Variants in NAT16 observed in about 807,000 individuals in gnomAD.
NAT16 encodes N-acetyltransferase 16 (putative), also known as probable N-acetyltransferase 16.
NAT16 carries 16 observed loss-of-function variants against 15.9 expected under a neutral mutation model. That is an observed-to-expected ratio of 1.01 (90% CI 0.68 to 1.53). NAT16 has a LOEUF of 1.53. Ranked by LOEUF, NAT16 falls within the 40% of genes most tolerant of loss-of-function variation. The pLI, the probability that NAT16 is intolerant of heterozygous loss-of-function variation, is 0.00. For missense variants in NAT16, 572 were observed against 508.4 expected (o/e 1.13, Z -1.20); for synonymous variants, 260 against 241.9 (o/e 1.07, Z -0.69).
rs1294944750 is a variant in NAT16 at position 101,180,125 on chromosome 7, CA to C, written c.-89del. The C allele has an allele frequency of 6.5e-6, 1 of 152,854 alleles. No individual in the cohort carries two copies. Among genetic ancestry groups the C allele is most frequent in the Non-Finnish European group, 1.5e-5 (1 of 68,558 alleles). The allele number at this position is 152,854 out of a possible 1,614,324, so 9.5% of individuals were successfully genotyped here. On this transcript the variant is annotated 5_prime_UTR_variant, in exon 1 of 4. Coordinates refer to ENST00000300303, the MANE Select transcript of NAT16 (RefSeq NM_198571.3). Reference sequence around the variant, plus strand: ...CGGCGGGCGCAGACACCCCCGGTGCCAAGAGAGAGGTCCCTTTGGAGCCCCC... The same window carrying C: ...CGGCGGGCGCAGACACCCCCGGTGCCAGAGAGAGGTCCCTTTGGAGCCCCC...
intron 2 of NAT16, chr7:101,174,054 G>T: frequency 3.8e-6 from 1 of 261,074 alleles, no homozygotes; most frequent in Non-Finnish European, 7.2e-6. Flanking sequence ...AGATGCTCCA[G>T]CTCCGAGTGT....
chr7:101,172,519 C>T lies in NAT16; in HGVS notation c.670G>A (p.Ala224Thr). 1 of 1,580,912 alleles carries T rather than the reference C, an allele frequency of 6.3e-7. No individual in the cohort carries two copies. Among genetic ancestry groups the T allele is most frequent in the Non-Finnish European group, 8.5e-7 (1 of 1,171,054 alleles). ...ACGGAGGGTGACAGCAGGAGGCGTG[C>T]CACGTCGCCGCCTGCCTCGGACACG... ...EAVSEAGGDVARLLLSPSVQR... is the reference protein window; with the variant it reads ...EAVSEAGGDVTRLLLSPSVQR... Residue 224 changes from alanine (A) to threonine (T), a missense_variant, in exon 4 of 4, where the codon GCA becomes ACA. Physicochemically the swap from Ala to Thr is moderately conservative, Grantham distance 58 (BLOSUM62 0). Coordinates refer to ENST00000300303, the MANE Select transcript of NAT16 (RefSeq NM_198571.3). The surrounding 1 kb of genome is among the most constrained non-coding windows in gnomAD (Gnocchi z 4.2).
Position 101,174,603 on chromosome 7 carries a change from T to C in NAT16, c.205A>G (p.Ile69Val). The change falls in exon 2 of 4, where the codon ATC (isoleucine) becomes GTC (valine). Residue 69 changes from isoleucine (I) to valine (V), a missense_variant. Coordinates refer to ENST00000300303, the MANE Select transcript of NAT16 (RefSeq NM_198571.3). ...AGGCCGCCGTAGATGCCCCCCGAGA[T>C]GGCCAGCACTTCCTCAAACTCCCGT... ...TEREFEEVLA[I>V]SGGIYGGLDY... is the part of the protein sequence containing the mutation. 1 of 1,614,024 alleles carries C rather than the reference T, an allele frequency of 6.2e-7. No homozygotes were observed. Among genetic ancestry groups the C allele is most frequent in the Admixed American group, 1.7e-5 (1 of 60,000 alleles).
At position 101,173,524 on chromosome 7, in the gene NAT16, C is replaced by A; in HGVS notation, c.313-4G>T. 2 of 1,578,392 alleles carry A rather than the reference C, an allele frequency of 1.3e-6. No homozygotes were observed. Among genetic ancestry groups the A allele is most frequent in the East Asian group, 2.3e-5 (1 of 43,850 alleles). The stretch of plus-strand genomic sequence containing the variant: ...CGTTCACCGACTCCAGCGCGATCTG[C>A]GGACCGAGGCCGTTAGCGCGGGGCC... On this transcript the variant is annotated splice_region_variant and splice_polypyrimidine_tract_variant and intron_variant, in intron 2 of 3. Coordinates refer to ENST00000300303, the MANE Select transcript of NAT16 (RefSeq NM_198571.3).
In NAT16 at chr7:101,172,941, C is replaced by T. The variant is rs1206713011; in HGVS notation, c.538-290G>A. ...CTGAGGGTACGGGTCCCCGGGTCTC[C>T]AGGGACGTGAAAGCCAGGGAGGCCG... On this transcript the variant is annotated intron_variant, in intron 3 of 3. Transcript: ENST00000300303. This position sits in a 1 kb window ranked among gnomAD's most constrained non-coding sequence, Gnocchi z 4.2. Among the ~76,000 whole-genome samples the T allele has an allele frequency of 6.6e-6, 1 of 152,104 alleles. No individual in the cohort carries two copies. Among genetic ancestry groups the T allele is most frequent in the Admixed American group, 6.5e-5 (1 of 15,270 alleles).
At chr7:101,175,624 T>A (rs1197552461) in intron 1 of NAT16, among the ~76,000 whole-genome samples, 41 of 143,844 alleles carry the variant, frequency 2.9e-4, no homozygotes, top group African/African-American at 4.5e-4. Flanking sequence ...GGGGTAGTTT[T>A]AAAAAAAAAA....
intron 1 of NAT16, among the ~76,000 whole-genome samples, chr7:101,177,667 T>G (rs1356386739): frequency 6.6e-6 from 1 of 152,124 alleles, no homozygotes; most frequent in African/African-American, 2.4e-5. Context: ...CTGTTTTTAG[T>G]GTATCTGGAT....
chr7:101,172,332 A>G lies in NAT16; in HGVS notation c.857T>C (p.Ile286Thr), dbSNP rs1256631359. 2 of 1,603,380 alleles carry G rather than the reference A, an allele frequency of 1.2e-6. No homozygotes were observed. Among genetic ancestry groups the G allele is most frequent in the Non-Finnish European group, 1.7e-6 (2 of 1,176,248 alleles). ...CCAAGTGCCGTCCCCTCCGTGCGGG[A>G]TGGGGAAGGGGCGCGTGCACAGCGT... is the stretch of plus-strand genomic sequence containing the variant. ...VLTLCTRPFP[I>T]PHGGDGTWRY... The change falls in exon 4 of 4, where the codon ATC becomes ACC. Residue 286 changes from isoleucine to threonine, a missense_variant. Transcript: ENST00000300303. The surrounding 1 kb of genome is among the most constrained non-coding windows in gnomAD (Gnocchi z 4.2).
intron 2 of NAT16, 94 bp downstream of exon 2, chr7:101,174,402 G>T: frequency 7.0e-7 from 1 of 1,429,188 alleles, no homozygotes; most frequent in Non-Finnish European, 9.2e-7. Flanking sequence ...TCCAGAGGAA[G>T]GCTGGGGAGA....
At chr7:101,179,686 C>T (rs2116738298) in intron 1 of NAT16, among the ~76,000 whole-genome samples, 1 of 151,696 alleles carries the variant, frequency 6.6e-6, no homozygotes, top group East Asian at 2.0e-4. Flanking sequence ...GGCTGTCCTG[C>T]AGGGTCTTCC....
In NAT16 at chr7:101,173,326, C is replaced by G; in HGVS notation, c.507G>C (p.Glu169Asp). 6.2e-7 allele frequency: 1 copy of G among 1,614,038 alleles called. No individual in the cohort carries two copies. Among genetic ancestry groups the G allele is most frequent in the Non-Finnish European group, 8.5e-7 (1 of 1,180,004 alleles). ...LTRDDQLGPRELKKYRLITKQ... is the reference protein window; with the variant it reads ...LTRDDQLGPRDLKKYRLITKQ... ...TGGTGATTAGGCGGTATTTCTTCAGCTCCCGGGGGCCCAGCTGGTCGTCCC... is the reference window on the plus strand; with the variant it reads ...TGGTGATTAGGCGGTATTTCTTCAGGTCCCGGGGGCCCAGCTGGTCGTCCC... Residue 169 changes from glutamate to aspartate, a missense_variant, in exon 3 of 4, where the codon GAG (glutamate) becomes GAC (aspartate). Physicochemically the swap from Glu to Asp is conservative, Grantham distance 45. Coordinates refer to ENST00000300303, the MANE Select transcript of NAT16 (RefSeq NM_198571.3).
chr7:101,174,621 A>G lies in NAT16; in HGVS notation c.187T>C (p.Phe63Leu), dbSNP rs1459459616. The G allele has an allele frequency of 4.3e-6, 7 of 1,613,400 alleles. No individual in the cohort carries two copies. Among genetic ancestry groups the G allele is most frequent in the Non-Finnish European group, 5.9e-6 (7 of 1,179,908 alleles). Residue 63 changes from phenylalanine to leucine, a missense_variant, in exon 2 of 4, where the codon TTT (phenylalanine) becomes CTT (leucine). Coordinates refer to ENST00000300303, the MANE Select transcript of NAT16 (RefSeq NM_198571.3). ...LDFVVATERE[F>L]EEVLAISGGI... The stretch of plus-strand genomic sequence containing the variant: ...CCCGAGATGGCCAGCACTTCCTCAA[A>G]CTCCCGTTCCGTGGCCACCACGAAG...
Position 101,172,234 on chromosome 7 carries a change from G to T in NAT16, c.955C>A (p.Arg319Ser), listed in dbSNP as rs772322657. ...VQSQLLWHLQ[R>S]QAPRLVGLNV... ...AGGCCAACGAGGCGCGGGGCCTGGCGCTGCAGGTGCCACAGCAGCTGGCTC... is the reference window on the plus strand; with the variant it reads ...AGGCCAACGAGGCGCGGGGCCTGGCTCTGCAGGTGCCACAGCAGCTGGCTC... The change falls in exon 4 of 4, where the codon CGC (arginine) becomes AGC (serine). Residue 319 changes from arginine (R) to serine (S), a missense_variant. Coordinates refer to ENST00000300303, the MANE Select transcript of NAT16 (RefSeq NM_198571.3). This position sits in a 1 kb window ranked among gnomAD's most constrained non-coding sequence, Gnocchi z 4.2. 21 of 1,613,366 alleles carry T rather than the reference G, an allele frequency of 1.3e-5. No individual in the cohort carries two copies. Among genetic ancestry groups the T allele is most frequent in the Admixed American group, 6.7e-5 (4 of 59,912 alleles).
chr7:101,172,234 G>C lies in NAT16; in HGVS notation c.955C>G (p.Arg319Gly). The change falls in exon 4 of 4, where the codon CGC (arginine) becomes GGC (glycine). Residue 319 changes from arginine to glycine, a missense_variant. Physicochemically the swap from Arg to Gly is moderately radical, Grantham distance 125. Transcript: ENST00000300303. This position sits in a 1 kb window ranked among gnomAD's most constrained non-coding sequence, Gnocchi z 4.2. ...AGGCCAACGAGGCGCGGGGCCTGGCGCTGCAGGTGCCACAGCAGCTGGCTC... is the reference window on the plus strand; with the variant it reads ...AGGCCAACGAGGCGCGGGGCCTGGCCCTGCAGGTGCCACAGCAGCTGGCTC... ...VQSQLLWHLQ[R>G]QAPRLVGLNV... The C allele has an allele frequency of 6.2e-7, 1 of 1,613,366 alleles. No individual in the cohort carries two copies.
At position 101,172,333 on chromosome 7, in the gene NAT16, T is replaced by G. The variant is rs1562873187; in HGVS notation, c.856A>C (p.Ile286Leu). ...CAAGTGCCGTCCCCTCCGTGCGGGATGGGGAAGGGGCGCGTGCACAGCGTG... is the reference window on the plus strand; with the variant it reads ...CAAGTGCCGTCCCCTCCGTGCGGGAGGGGGAAGGGGCGCGTGCACAGCGTG... ...VLTLCTRPFPIPHGGDGTWRY... is the reference protein window; with the variant it reads ...VLTLCTRPFPLPHGGDGTWRY... Residue 286 changes from isoleucine to leucine, a missense_variant, in exon 4 of 4, where the codon ATC (isoleucine) becomes CTC (leucine). Physicochemically the swap from Ile to Leu is conservative, Grantham distance 5. Coordinates refer to ENST00000300303, the MANE Select transcript of NAT16 (RefSeq NM_198571.3). The surrounding 1 kb of genome is among the most constrained non-coding windows in gnomAD (Gnocchi z 4.2). 3 of 1,602,810 alleles carry G rather than the reference T, an allele frequency of 1.9e-6. No homozygotes were observed. Among genetic ancestry groups the G allele is most frequent in the Non-Finnish European group, 2.6e-6 (3 of 1,176,034 alleles).
chr7:101,175,542 C>T, intron 1 of NAT16, among the ~76,000 whole-genome samples: 1 of 151,730 alleles, frequency 6.6e-6, no homozygotes, highest in East Asian at 1.9e-4. Context: ...CAGTCAGAAA[C>T]TTAGAACCCT....
At position 101,171,131 on chromosome 7, in the gene NAT16, A is replaced by C. The variant is rs892499378; in HGVS notation, c.*948T>G. 2 of 152,250 alleles carry C rather than the reference A, an allele frequency of 1.3e-5. No individual in the cohort carries two copies. Among genetic ancestry groups the C allele is most frequent in the African/African-American group, 4.8e-5 (2 of 41,358 alleles). 9.4% of individuals were successfully genotyped at this position (152,250 alleles called of 1,614,324 possible). A position where few individuals can be genotyped will look rare whatever the true frequency, so the allele number is the denominator to read the frequency against. ...GACAGCCCCTATGCCAGGCTGAGGGACCCGCCCTCCACTGTACCAAACTCT... is the reference window on the plus strand; with the variant it reads ...GACAGCCCCTATGCCAGGCTGAGGGCCCCGCCCTCCACTGTACCAAACTCT... On this transcript the variant is annotated 3_prime_UTR_variant, in exon 4 of 4. Transcript: ENST00000300303.
At chr7:101,175,294 A>C (rs970711117) in intron 1 of NAT16, among the ~76,000 whole-genome samples, 2 of 149,708 alleles carry the variant, frequency 1.3e-5, no homozygotes, top group African/African-American at 4.9e-5. Flanking sequence ...TTTAATACAG[A>C]TAGGGATCTC....
chr7:101,172,870 G>A lies in NAT16; in HGVS notation c.538-219C>T, dbSNP rs557455824. 2.6e-5 allele frequency among the ~76,000 whole-genome samples: 4 copies of A among 152,298 alleles called. No homozygotes were observed. In the South Asian group the frequency reaches 6.2e-4, roughly 24 times the overall value. On this transcript the variant is annotated intron_variant, in intron 3 of 3. Transcript: ENST00000300303. The surrounding 1 kb of genome is among the most constrained non-coding windows in gnomAD (Gnocchi z 4.2). ...GACCAGGGGCACGGGCTCCCAGTACGTGGATCCCCAAGAAGAGGTGGGATC... is the reference window on the plus strand; with the variant it reads ...GACCAGGGGCACGGGCTCCCAGTACATGGATCCCCAAGAAGAGGTGGGATC...
Sources: allele counts gnomAD v4.1 joint callset (sites outside exome capture counted in the v4.1 genomes callset), GRCh38; gene constraint gnomAD v4.1.1; non-coding constraint Gnocchi (gnomAD v3.1); transcripts MANE v1.5; gene names NCBI Gene and HGNC (gene_info 2026-07-23, HGNC 2026-07-21).